HECW2: variants seen among roughly 807,000 people sequenced by gnomAD.
The protein encoded by HECW2 is HECT, C2 and WW domain containing E3 ubiquitin protein ligase 2, also known as E3 ubiquitin-protein ligase HECW2.
A neutral mutation model predicts 175.2 loss-of-function variants in HECW2; 61 were observed. The observed-to-expected ratio is 0.35, with a 90% CI of 0.28 to 0.43. The LOEUF (loss-of-function observed/expected upper bound fraction) is 0.43. HECW2 is among the 20% of genes least tolerant of loss of function. HECW2 has a pLI of 1.00. For missense variants in HECW2, 1,524 were observed against 2,000.5 expected (o/e 0.76, Z 4.54); for synonymous variants, 671 against 731.0 (o/e 0.92, Z 1.32).
intron 2 of HECW2, among the ~76,000 whole-genome samples, chr2:196,427,347 T>C (rs1444783720): frequency 1.8e-4 from 27 of 152,176 alleles, no homozygotes; most frequent in Admixed American, 1.8e-3. Flanking sequence ...TGCACTTTCG[T>C]AGTTCTGTTA....
chr2:196,431,798 AAAGAGAGATAAC>A, intron 2 of HECW2, among the ~76,000 whole-genome samples: 1 of 152,372 alleles, frequency 6.6e-6, no homozygotes, highest in African/African-American at 2.4e-5. Flanking sequence ...TAAGGAAAAA[AAAGAGAGATAAC>A]AATTCATTAA....
At chr2:196,581,931 T>C (rs1690799837) in intron 1 of HECW2, among the ~76,000 whole-genome samples, 1 of 151,830 alleles carries the variant, frequency 6.6e-6, no homozygotes, top group Admixed American at 6.6e-5. Flanking sequence ...CCGGGAGTGG[T>C]GGTGGGAGCC....
At chr2:196,465,340 C>G (rs577887151) in intron 1 of HECW2, among the ~76,000 whole-genome samples, 25 of 152,224 alleles carry the variant, frequency 1.6e-4, no homozygotes, top group African/African-American at 4.3e-4. Flanking sequence ...TTAAAGGCAA[C>G]AGAATTGCTT....
At chr2:196,429,240 T>G (rs1385680822) in intron 2 of HECW2, among the ~76,000 whole-genome samples, 2 of 151,412 alleles carry the variant, frequency 1.3e-5, no homozygotes, top group African/African-American at 4.9e-5. Flanking sequence ...TTCCTGAGCC[T>G]GGGGGGGGCC....
intron 2 of HECW2, among the ~76,000 whole-genome samples, chr2:196,391,490 G>A (rs1462808500): frequency 1.3e-5 from 2 of 152,136 alleles, no homozygotes; most frequent in Non-Finnish European, 2.9e-5. Flanking sequence ...TCATTATACT[G>A]TTTAACTCTC....
chr2:196,448,096 T>C (rs1201489653), intron 1 of HECW2, among the ~76,000 whole-genome samples: 2 of 152,186 alleles, frequency 1.3e-5, no homozygotes, highest in African/African-American at 4.8e-5. Context: ...CATTTGTTAT[T>C]TGTTCCTTCT....
At chr2:196,300,676 A>C (rs1361456584) in intron 13 of HECW2, among the ~76,000 whole-genome samples, 4 of 150,768 alleles carry the variant, frequency 2.7e-5, no homozygotes, top group Admixed American at 6.6e-5. Context: ...ATCTATACAT[A>C]TATATCTATA....
At chr2:196,400,804 C>T (rs1694796774) in intron 2 of HECW2, among the ~76,000 whole-genome samples, 1 of 149,172 alleles carries the variant, frequency 6.7e-6, no homozygotes, top group African/African-American at 2.5e-5. Flanking sequence ...CCACTAACCC[C>T]CATTCCCACA....
At chr2:196,310,727 T>C (rs1484196480) in intron 10 of HECW2, among the ~76,000 whole-genome samples, 1 of 152,012 alleles carries the variant, frequency 6.6e-6, no homozygotes, top group Non-Finnish European at 1.5e-5. Context: ...TTGTCAAATA[T>C]GTTATATAAT....
intron 2 of HECW2, among the ~76,000 whole-genome samples, chr2:196,431,389 A>C (rs1259803080): frequency 6.6e-6 from 1 of 152,226 alleles, no homozygotes. Flanking sequence ...TTTTTAAGTG[A>C]TTCTAGCAGT....
intron 2 of HECW2, among the ~76,000 whole-genome samples, chr2:196,345,154 A>G (rs1304495087): frequency 6.6e-6 from 1 of 152,242 alleles, no homozygotes; most frequent in East Asian, 1.9e-4. Context: ...CCTCTCCTAG[A>G]TAAACAATGC....
intron 1 of HECW2, among the ~76,000 whole-genome samples, chr2:196,535,026 G>A (rs1322890204): frequency 4.9e-5 from 7 of 141,528 alleles, no homozygotes; most frequent in South Asian, 2.3e-4. Flanking sequence ...AAACGATTAG[G>A]AAGAAAACAA....
intron 1 of HECW2, among the ~76,000 whole-genome samples, chr2:196,541,564 C>A (rs868447331): frequency 5.9e-5 from 9 of 152,028 alleles, no homozygotes; most frequent in South Asian, 2.1e-4. Context: ...ATGGCTTCTG[C>A]AAGAAAGCCC....
chr2:196,483,977 G>A (rs571603494), intron 1 of HECW2, among the ~76,000 whole-genome samples: 1 of 152,282 alleles, frequency 6.6e-6, no homozygotes, highest in African/African-American at 2.4e-5. Flanking sequence ...AGTGATGTAT[G>A]TATGGTTAAA....
At chr2:196,575,642 T>C (rs1162706479) in intron 1 of HECW2, among the ~76,000 whole-genome samples, 1 of 152,186 alleles carries the variant, frequency 6.6e-6, no homozygotes, top group African/African-American at 2.4e-5. Context: ...TATTAGTCCA[T>C]TTCGCATTGC....
Position 196,433,392 on chromosome 2 carries a change from A to G in HECW2, c.32T>C (p.Phe11Ser), listed in dbSNP as rs1366720034. The G allele has an allele frequency of 6.2e-7, 1 of 1,613,896 alleles. No individual in the cohort carries two copies. The highest frequency in any genetic ancestry group is 8.5e-7 in the Non-Finnish European group (1 of 1,179,970). ...CATCTGGGGATTTCGACGCCTCACA[A>G]AAAGCAGGTGCTCCCGGGCTGAACT... MASSAREHLL[F>S]VRRRNPQMRY... The change falls in exon 2 of 29, where the codon TTT becomes TCT. Residue 11 changes from phenylalanine (F) to serine (S), a missense_variant. By Grantham distance (155) the Phe-to-Ser change is radical (BLOSUM62 -2). Transcript: ENST00000644978.
chr2:196,412,261 T>C (rs1477648972), intron 2 of HECW2, among the ~76,000 whole-genome samples: 1 of 152,184 alleles, frequency 6.6e-6, no homozygotes, highest in African/African-American at 2.4e-5. Context: ...GGAAAATCTG[T>C]TCTAAGCCTC....
chr2:196,441,367 AACAC>A (rs1273749608), intron 1 of HECW2, among the ~76,000 whole-genome samples: 5 of 40,542 alleles, frequency 1.2e-4, no homozygotes, highest in South Asian at 1.0e-3. Context: ...CACAACATAC[AACAC>A]ACACACACAA....
intron 2 of HECW2, among the ~76,000 whole-genome samples, chr2:196,428,203 C>A (rs960091789): frequency 6.6e-5 from 10 of 152,152 alleles, no homozygotes; most frequent in Admixed American, 5.9e-4. Flanking sequence ...TCTATAGAGA[C>A]CATCTCTCTG....
Sources: gnomAD v4.1 joint callset for allele counts (sites outside exome capture counted in the v4.1 genomes callset) on GRCh38, gnomAD v4.1.1 for gene constraint, MANE v1.5 for transcripts, NCBI Gene and HGNC (gene_info 2026-07-23, HGNC 2026-07-21) for gene names.